Variants in METTL15 observed in about 807,000 individuals in gnomAD.
METTL15 encodes the protein 12S rRNA N(4)-cytidine methyltransferase METTL15.
A neutral mutation model predicts 38.3 loss-of-function variants in METTL15; 34 were observed. The ratio of observed to expected loss-of-function variants is 0.89; its 90% confidence interval spans 0.68 to 1.18. The LOEUF (loss-of-function observed/expected upper bound fraction) is 1.18. Ranked by LOEUF, METTL15 falls within the 50% of genes most tolerant of loss-of-function variation. The pLI is 0.00. For missense variants in METTL15, 438 were observed against 498.4 expected (o/e 0.88, Z 1.15); for synonymous variants, 162 against 170.9 (o/e 0.95, Z 0.41).
chr11:28,514,099 C>A (rs950707840), intron 6 of METTL15, among the ~76,000 whole-genome samples: 1 of 152,208 alleles, frequency 6.6e-6, no homozygotes, highest in Non-Finnish European at 1.5e-5. Context: ...CAGATCCATT[C>A]CACCCCTCCC....
At chr11:28,364,760 A>T (rs1436715830) in intron 5 of METTL15, among the ~76,000 whole-genome samples, 1 of 152,114 alleles carries the variant, frequency 6.6e-6, no homozygotes, top group Admixed American at 6.5e-5. Context: ...GTCTTGTTCC[A>T]GTTCTCAAGG....
At chr11:28,313,814 A>G (rs1449279775) in intron 6 of METTL15, among the ~76,000 whole-genome samples, 1 of 152,128 alleles carries the variant, frequency 6.6e-6, no homozygotes, top group Non-Finnish European at 1.5e-5. Flanking sequence ...TAAAAGCTAT[A>G]TAATAAATAA....
chr11:28,527,174 T>A (rs1209103037), downstream of METTL15: 1 of 152,244 alleles, frequency 6.6e-6, no homozygotes, highest in Non-Finnish European at 1.5e-5. Flanking sequence ...CAAAGAACAC[T>A]TGATTTATTT....
chr11:28,119,130 G>A (rs1044531202), intron 3 of METTL15, among the ~76,000 whole-genome samples: 1 of 152,138 alleles, frequency 6.6e-6, no homozygotes, highest in Non-Finnish European at 1.5e-5. Flanking sequence ...CTCCACAGAA[G>A]ACAGGTATCC....
intron 3 of METTL15, among the ~76,000 whole-genome samples, chr11:28,209,204 G>A (rs1390483384): frequency 1.3e-5 from 2 of 151,866 alleles, no homozygotes; most frequent in African/African-American, 2.4e-5. Flanking sequence ...CAGAATAAGG[G>A]TAATTGTATC....
intron 4 of METTL15, among the ~76,000 whole-genome samples, chr11:28,249,723 A>T (rs1267937966): frequency 6.6e-6 from 1 of 151,682 alleles, no homozygotes; most frequent in Admixed American, 6.6e-5. Context: ...TACACTAAGG[A>T]GATTTTTTTT....
chr11:28,235,545 A>G (rs373997873), intron 4 of METTL15, among the ~76,000 whole-genome samples: 244 of 152,162 alleles, frequency 1.6e-3, no homozygotes, highest in Non-Finnish European at 3.1e-3. Context: ...TGGATTCCTA[A>G]GTATTTTATT....
chr11:28,296,606 T>C, intron 5 of METTL15, 147 bp from the exon 6 acceptor site: 2 of 698,604 alleles, frequency 2.9e-6, no homozygotes, highest in Non-Finnish European at 4.7e-6. Flanking sequence ...CTATTTCATT[T>C]GTTTAAGGTT....
intron 3 of METTL15, chr11:28,125,999 G>A (rs1852465832): frequency 6.6e-6 from 1 of 151,956 alleles, no homozygotes; most frequent in Non-Finnish European, 1.5e-5. Flanking sequence ...TTCAGCTAGT[G>A]CTTATATCTT....
chr11:28,305,920 A>G (rs975398612), intron 6 of METTL15, among the ~76,000 whole-genome samples: 2 of 152,110 alleles, frequency 1.3e-5, no homozygotes, highest in Admixed American at 1.3e-4. Flanking sequence ...ACAGACATGA[A>G]AAGATGAATG....
intron 4 of METTL15, among the ~76,000 whole-genome samples, chr11:28,255,853 GC>G (rs1209673865): frequency 2.0e-5 from 3 of 152,114 alleles, no homozygotes; most frequent in African/African-American, 7.2e-5. Flanking sequence ...ACAGGCATGT[GC>G]CACCACTCCC....
At chr11:28,481,781 T>C (rs574770838) in intron 6 of METTL15, among the ~76,000 whole-genome samples, 1 of 152,214 alleles carries the variant, frequency 6.6e-6, no homozygotes, top group Admixed American at 6.5e-5. Context: ...CATTATCCAG[T>C]CACATCTTAA....
At chr11:28,493,434 T>A (rs1851512874) in intron 6 of METTL15, among the ~76,000 whole-genome samples, 2 of 152,170 alleles carry the variant, frequency 1.3e-5, no homozygotes, top group Admixed American at 1.3e-4. Context: ...CCTGACATTT[T>A]ATGAGTCAAC....
At position 28,221,380 on chromosome 11, in the gene METTL15, C is replaced by T. The variant is rs551096736; in HGVS notation, c.407+10182C>T. Among the ~76,000 whole-genome samples, 26 of 152,238 alleles carry T rather than the reference C, an allele frequency of 1.7e-4. No individual in the cohort carries two copies. In the South Asian group the frequency reaches 2.1e-3, roughly 12 times the overall value. On this transcript the variant is annotated intron_variant, in intron 4 of 6. Coordinates refer to ENST00000407364, the MANE Select transcript of METTL15 (RefSeq NM_001113528.2). ...GCTACTGAAGCTTGTGCATTCGTTACGCAGTTCTCGTGCCATGGTTTTCAG... is the reference window on the plus strand; with the variant it reads ...GCTACTGAAGCTTGTGCATTCGTTATGCAGTTCTCGTGCCATGGTTTTCAG...
intron 3 of METTL15, among the ~76,000 whole-genome samples, chr11:28,127,632 T>G (rs1852552783): frequency 6.6e-6 from 1 of 152,194 alleles, no homozygotes; most frequent in Admixed American, 6.6e-5. Context: ...ACACATTATT[T>G]TATTTCATTT....
chr11:28,123,139 G>T (rs1425991808), intron 3 of METTL15, among the ~76,000 whole-genome samples: 1 of 152,064 alleles, frequency 6.6e-6, no homozygotes, highest in African/African-American at 2.4e-5. Context: ...CTCATAGAAA[G>T]AAAAGGGAGA....
intron 6 of METTL15, among the ~76,000 whole-genome samples, chr11:28,318,216 T>C (rs1031244353): frequency 6.6e-6 from 1 of 152,160 alleles, no homozygotes; most frequent in Non-Finnish European, 1.5e-5. Flanking sequence ...GTATCCCTTA[T>C]TGAGAGGACT....
At chr11:28,349,655 GAATTA>G (rs2133360182) in intron 3 of METTL15, among the ~76,000 whole-genome samples, 1 of 152,168 alleles carries the variant, frequency 6.6e-6, no homozygotes, top group South Asian at 2.1e-4. Context: ...ATTGCAGAAA[GAATTA>G]AATTATTTAA....
intron 6 of METTL15, among the ~76,000 whole-genome samples, chr11:28,430,865 C>A (rs1321332333): frequency 8.4e-6 from 1 of 118,772 alleles, no homozygotes; most frequent in Non-Finnish European, 1.8e-5. Flanking sequence ...GGGGGTCAGC[C>A]CCCCGCCCGG....
Sources: allele counts gnomAD v4.1 joint callset (sites outside exome capture counted in the v4.1 genomes callset), GRCh38; gene constraint gnomAD v4.1.1; transcripts MANE v1.5; gene names NCBI Gene and HGNC (gene_info 2026-07-23, HGNC 2026-07-21).